RNF169: variants seen among roughly 807,000 people sequenced by gnomAD.
The protein encoded by RNF169 is ring finger protein 169.
RNF169 carries 24 observed loss-of-function variants against 53.9 expected under a neutral mutation model. The ratio of observed to expected loss-of-function variants is 0.45; its 90% CI spans 0.32 to 0.63. The LOEUF (loss-of-function observed/expected upper bound fraction) is 0.63, where lower values mean the gene tolerates loss of function less well. Among genes scored for constraint, RNF169 ranks in the 20% least tolerant of loss-of-function variants. The probability of loss-of-function intolerance (pLI) is 0.04; values close to 1 mark genes in which losing one functional copy is unlikely to be tolerated. For missense variants in RNF169, 883 were observed against 906.2 expected (o/e 0.97, Z 0.33); for synonymous variants, 396 against 363.5 (o/e 1.09, Z -1.02).
intron 1 of RNF169, among the ~76,000 whole-genome samples, chr11:74,785,175 TATATATATATGATATATATATGA>T (rs1565176446): frequency 1.7e-3 from 112 of 66,570 alleles, no homozygotes; most frequent in African/African-American, 0.015. Flanking sequence ...ATATATATGA[TATATATATATGATATATATATGA>T]TATATATATA....
At chr11:74,787,264 G>A (rs899465854) in intron 1 of RNF169, among the ~76,000 whole-genome samples, 3 of 151,966 alleles carry the variant, frequency 2.0e-5, no homozygotes, top group Non-Finnish European at 4.4e-5. Flanking sequence ...TTGATACACC[G>A]GGAAGAGTAT....
chr11:74,823,585 A>C (rs1328346439), intron 4 of RNF169, among the ~76,000 whole-genome samples: 1 of 151,976 alleles, frequency 6.6e-6, no homozygotes, highest in East Asian at 1.9e-4. Flanking sequence ...AAAATTTTAA[A>C]AATCAGCCGA....
At chr11:74,820,867 C>CT (rs1243496643) in intron 4 of RNF169, among the ~76,000 whole-genome samples, 1 of 152,234 alleles carries the variant, frequency 6.6e-6, no homozygotes, top group African/African-American at 2.4e-5. Context: ...AGGAGCTAGC[C>CT]TTTTCCCAGT....
chr11:74,794,119 T>A (rs1260264837), intron 2 of RNF169, among the ~76,000 whole-genome samples: 1 of 152,214 alleles, frequency 6.6e-6, no homozygotes, highest in Non-Finnish European at 1.5e-5. Context: ...GAACATTAAC[T>A]TTCTAAGTAA....
chr11:74,782,155 G>A (rs1419767062), intron 1 of RNF169, among the ~76,000 whole-genome samples: 1 of 152,158 alleles, frequency 6.6e-6, no homozygotes, highest in Non-Finnish European at 1.5e-5. Context: ...GCGGCTGGTG[G>A]AGAGTTAAGT....
chr11:74,781,082 G>T (rs574207546), intron 1 of RNF169, among the ~76,000 whole-genome samples: 1 of 152,336 alleles, frequency 6.6e-6, no homozygotes, highest in East Asian at 1.9e-4. Context: ...GAAAAGCAAG[G>T]CAGACTCTAA....
At chr11:74,776,511 C>CAA (rs766527055) in intron 1 of RNF169, among the ~76,000 whole-genome samples, 3,501 of 78,996 alleles carry the variant, frequency 0.044, 71 homozygotes, top group African/African-American at 0.1. Context: ...TTCATTCAGC[C>CAA]AAAAAAAAAA....
At chr11:74,776,097 T>C (rs1310146931) in intron 1 of RNF169, among the ~76,000 whole-genome samples, 3 of 152,202 alleles carry the variant, frequency 2.0e-5, no homozygotes, top group African/African-American at 7.2e-5. Context: ...TAAATTCTTA[T>C]TAATGATGCC....
intron 1 of RNF169, among the ~76,000 whole-genome samples, chr11:74,765,759 G>A (rs1381462758): frequency 1.3e-5 from 2 of 150,388 alleles, no homozygotes; most frequent in Admixed American, 6.6e-5. Flanking sequence ...CTGAGATTGC[G>A]CCATTGCACT....
In RNF169 at chr11:74,836,188, TGCTGTTCCTCAGAACTCAAAGGGGGAG is replaced by T. The variant is rs1292865798; in HGVS notation, c.1588_1614del (p.Cys530_Gly538del). On this transcript the variant is annotated inframe_deletion, in exon 6 of 6. Transcript: ENST00000299563. Reference sequence around the variant, plus strand: ...TAGCACTGAGATCCCACTGGAAACCTGCTGTTCCTCAGAACTCAAAGGGGGAGGCAGTGGGACTTCTTTGGAGAGGGA... The same window carrying T: ...TAGCACTGAGATCCCACTGGAAACCTGCAGTGGGACTTCTTTGGAGAGGGA... The T allele has an allele frequency of 1.9e-6, 3 of 1,614,068 alleles. No homozygotes were observed. The African/African-American group carries it at 4.0e-5, about 22-fold the overall frequency.
intron 2 of RNF169, among the ~76,000 whole-genome samples, chr11:74,807,420 G>T (rs2035821320): frequency 6.6e-6 from 1 of 152,020 alleles, no homozygotes. Context: ...TGGTTATGCT[G>T]CTCTGTCCTT....
In RNF169 at chr11:74,837,738, A is replaced by C. The variant is rs2036278952; in HGVS notation, c.*1008A>C. On this transcript the variant is annotated 3_prime_UTR_variant, in exon 6 of 6. Transcript: ENST00000299563. Reference sequence around the variant, plus strand: ...AATCCTAAAAAATCACCCTGAAGTCAGGCAAGGAACAATACTTAAACTCCA... The same window carrying C: ...AATCCTAAAAAATCACCCTGAAGTCCGGCAAGGAACAATACTTAAACTCCA... 6.6e-6 allele frequency: 1 copy of C among 152,248 alleles called. No individual in the cohort carries two copies. The highest frequency in any genetic ancestry group is 2.4e-5 in the African/African-American group (1 of 41,460). The allele number at this position is 152,248 out of a possible 1,614,324, so 9.4% of individuals were successfully genotyped here.
intron 1 of RNF169, among the ~76,000 whole-genome samples, chr11:74,772,483 T>G (rs1371439113): frequency 1.3e-5 from 2 of 151,632 alleles, no homozygotes; most frequent in East Asian, 3.8e-4. Context: ...TTTTTTTTTT[T>G]TTTTTTTTTT....
chr11:74,835,155 T>C (rs928068030), intron 5 of RNF169, among the ~76,000 whole-genome samples: 1 of 152,168 alleles, frequency 6.6e-6, no homozygotes, highest in Admixed American at 6.5e-5. Context: ...GGGGAATTTT[T>C]AAATTTTTTT....
chr11:74,838,240 G>C lies in RNF169; in HGVS notation c.*1510G>C, dbSNP rs534932774. 3 of 152,288 alleles carry C rather than the reference G, an allele frequency of 2.0e-5. No homozygotes were observed. In the East Asian group the frequency reaches 5.8e-4, roughly 29 times the overall value. 9.4% of individuals were successfully genotyped at this position (152,288 alleles called of 1,614,324 possible). A position where few individuals can be genotyped will look rare whatever the true frequency, so the allele number is the denominator to read the frequency against. Reference sequence around the variant, plus strand: ...TTCTAGACCTAGAAGCCAAAGTCCAGAACAGTGACCCATTGATCAAGGCAG... The same window carrying C: ...TTCTAGACCTAGAAGCCAAAGTCCACAACAGTGACCCATTGATCAAGGCAG... On this transcript the variant is annotated 3_prime_UTR_variant, in exon 6 of 6. Coordinates refer to ENST00000299563, the MANE Select transcript of RNF169 (RefSeq NM_001098638.2).
intron 1 of RNF169, among the ~76,000 whole-genome samples, chr11:74,750,863 A>AG (rs1334992935): frequency 1.8e-5 from 2 of 112,804 alleles, no homozygotes; most frequent in East Asian, 5.5e-4. Context: ...TGGCCTCCCA[A>AG]GGTTTTTTTT....
intron 1 of RNF169, among the ~76,000 whole-genome samples, chr11:74,754,210 A>C (rs547838279): frequency 6.6e-6 from 1 of 152,260 alleles, no homozygotes; most frequent in African/African-American, 2.4e-5. Flanking sequence ...GACATTCCTT[A>C]TCTGTTGATT....
intron 2 of RNF169, among the ~76,000 whole-genome samples, chr11:74,790,954 G>A (rs112624492): frequency 0.031 from 4,649 of 152,338 alleles, 70 homozygotes; most frequent in Non-Finnish European, 0.038. Context: ...TGTTTCAGCC[G>A]TTTGTGTTAT....
At chr11:74,813,639 A>G (rs1190509623) in intron 3 of RNF169, among the ~76,000 whole-genome samples, 1 of 152,216 alleles carries the variant, frequency 6.6e-6, no homozygotes, top group Non-Finnish European at 1.5e-5. Flanking sequence ...AGAACATATA[A>G]ATACACACCA....
Sources: allele counts gnomAD v4.1 joint callset (sites outside exome capture counted in the v4.1 genomes callset), GRCh38; gene constraint gnomAD v4.1.1; transcripts MANE v1.5; gene names NCBI Gene and HGNC (gene_info 2026-07-23, HGNC 2026-07-21).